The following MED27 variants were observed in gnomAD, a reference collection of about 807,000 sequenced individuals.
The protein encoded by MED27 is mediator complex subunit 27.
A neutral mutation model predicts 38.2 loss-of-function variants in MED27; 30 were observed. The ratio of observed to expected loss-of-function variants is 0.79; its 90% CI spans 0.59 to 1.07. The LOEUF (loss-of-function observed/expected upper bound fraction) is 1.07, where lower values mean the gene tolerates loss of function less well. MED27 is among the 50% of genes least tolerant of loss of function. The probability of loss-of-function intolerance (pLI) is 0.00; values close to 1 mark genes in which losing one functional copy is unlikely to be tolerated. For synonymous variants in MED27, 122 were observed against 153.5 expected (o/e 0.79, Z 1.52); for missense variants, 289 against 397.5 (o/e 0.73, Z 2.32).
chr9:131,912,849 A>T (rs1715770107), intron 4 of MED27, among the ~76,000 whole-genome samples: 1 of 152,224 alleles, frequency 6.6e-6, no homozygotes, highest in African/African-American at 2.4e-5. Context: ...TAGCGAGCAG[A>T]TGTCTAGCCC....
chr9:132,060,717 G>A (rs1833679642), intron 2 of MED27, among the ~76,000 whole-genome samples: 1 of 152,248 alleles, frequency 6.6e-6, no homozygotes, highest in Non-Finnish European at 1.5e-5. Flanking sequence ...GGGAGGCTGG[G>A]ACGGGCAGAT....
At chr9:131,892,736 C>T (rs973402612) in intron 5 of MED27, among the ~76,000 whole-genome samples, 2 of 152,206 alleles carry the variant, frequency 1.3e-5, no homozygotes, top group Admixed American at 6.5e-5. Flanking sequence ...CAGTGTGGAA[C>T]CTTCTGGAGC....
At chr9:131,977,236 G>C (rs1452926771) in intron 3 of MED27, among the ~76,000 whole-genome samples, 2 of 152,180 alleles carry the variant, frequency 1.3e-5, no homozygotes, top group African/African-American at 4.8e-5. Context: ...TCATAGAGCA[G>C]CCAGGTGGCA....
At chr9:132,067,123 TAATACA>T (rs977962578) in intron 2 of MED27, among the ~76,000 whole-genome samples, 1 of 152,242 alleles carries the variant, frequency 6.6e-6, no homozygotes, top group Non-Finnish European at 1.5e-5. Flanking sequence ...TAGAAATCGT[TAATACA>T]AATAATTACC....
chr9:131,951,914 A>G (rs1831006532), intron 3 of MED27, among the ~76,000 whole-genome samples: 1 of 152,210 alleles, frequency 6.6e-6, no homozygotes, highest in Non-Finnish European at 1.5e-5. Flanking sequence ...TCAGTTAGTA[A>G]GCACAGTTCT....
intron 3 of MED27, among the ~76,000 whole-genome samples, chr9:131,973,518 C>T (rs765714716): frequency 7.9e-5 from 11 of 139,074 alleles, no homozygotes; most frequent in Non-Finnish European, 1.5e-4. Context: ...AGTGCAGTAG[C>T]GCGATCTCGG....
intron 4 of MED27, among the ~76,000 whole-genome samples, chr9:131,934,316 A>C (rs568276056): frequency 6.6e-6 from 1 of 152,336 alleles, no homozygotes; most frequent in South Asian, 2.1e-4. Context: ...CTGCAAAGGA[A>C]ACAATCAACA....
chr9:132,067,872 T>C (rs1340829035), intron 2 of MED27, among the ~76,000 whole-genome samples: 3 of 152,122 alleles, frequency 2.0e-5, no homozygotes, highest in African/African-American at 7.2e-5. Context: ...CCACTATGCT[T>C]GGCTAATTTT....
chr9:131,967,871 T>C (rs1265368467), intron 3 of MED27, among the ~76,000 whole-genome samples: 1 of 147,924 alleles, frequency 6.8e-6, no homozygotes, highest in Admixed American at 6.9e-5. Context: ...CAGGCTGTAG[T>C]GCAGTGGCGC....
chr9:131,989,447 T>C (rs996605974), intron 3 of MED27, among the ~76,000 whole-genome samples: 1 of 152,192 alleles, frequency 6.6e-6, no homozygotes, highest in Non-Finnish European at 1.5e-5. Flanking sequence ...CAGGGTCTGA[T>C]TACCCCCTTT....
chr9:132,004,831 A>G (rs575531189), intron 3 of MED27, among the ~76,000 whole-genome samples: 1 of 152,336 alleles, frequency 6.6e-6, no homozygotes, highest in East Asian at 1.9e-4. Context: ...CAGCCAGGTG[A>G]GCAGCACACA....
At chr9:131,900,822 A>G (rs1307372872) in intron 4 of MED27, among the ~76,000 whole-genome samples, 1 of 152,030 alleles carries the variant, frequency 6.6e-6, no homozygotes, top group Non-Finnish European at 1.5e-5. Flanking sequence ...CATGAATGTT[A>G]TTTTCTGTAT....
chr9:132,034,048 A>G (rs568586211), intron 2 of MED27, among the ~76,000 whole-genome samples: 97 of 152,240 alleles, frequency 6.4e-4, no homozygotes, highest in Non-Finnish European at 1.1e-3. Flanking sequence ...AGAAGCAGCA[A>G]CACAGCACCA....
chr9:131,874,699 C>T (rs573098992), intron 6 of MED27, among the ~76,000 whole-genome samples: 27 of 152,292 alleles, frequency 1.8e-4, no homozygotes, highest in African/African-American at 6.3e-4. Context: ...TGCGAGGAGA[C>T]GCGCTGGGTC....
rs539923749 is a variant in MED27 at position 131,955,665 on chromosome 9, G to A, written c.480-16191C>T. Among the ~76,000 whole-genome samples the A allele has an allele frequency of 2.6e-5, 4 of 152,274 alleles. No homozygotes were observed. In the East Asian group the frequency reaches 5.8e-4, roughly 22 times the overall value. Reference sequence around the variant, plus strand: ...AAGTGGATGTCTTTGAAAGATGTAAGTTATATAACTGACATGAGAAGAAAT... The same window carrying A: ...AAGTGGATGTCTTTGAAAGATGTAAATTATATAACTGACATGAGAAGAAAT... On this transcript the variant is annotated intron_variant, in intron 3 of 7. Transcript: ENST00000292035.
intron 4 of MED27, among the ~76,000 whole-genome samples, chr9:131,933,494 C>T (rs1194848813): frequency 3.3e-5 from 5 of 151,998 alleles, no homozygotes; most frequent in Admixed American, 6.5e-5. Flanking sequence ...AAAAGTAATC[C>T]GATTTAATAG....
At chr9:132,053,680 C>T (rs1833513455) in intron 2 of MED27, among the ~76,000 whole-genome samples, 1 of 152,112 alleles carries the variant, frequency 6.6e-6, no homozygotes, top group African/African-American at 2.4e-5. Context: ...CGTCCAGACC[C>T]AGCTTGGTAA....
At chr9:131,950,928 T>C (rs775190026) in intron 3 of MED27, among the ~76,000 whole-genome samples, 2 of 152,194 alleles carry the variant, frequency 1.3e-5, no homozygotes, top group Non-Finnish European at 2.9e-5. Context: ...CTTCTACAAG[T>C]AGTAAAAATT....
intron 3 of MED27, among the ~76,000 whole-genome samples, chr9:131,961,769 C>G (rs1260210783): frequency 2.6e-5 from 4 of 152,204 alleles, no homozygotes. Flanking sequence ...CACAGGGGCC[C>G]TAAACACTCT....
Sources: allele counts gnomAD v4.1 joint callset (sites outside exome capture counted in the v4.1 genomes callset), GRCh38; gene constraint gnomAD v4.1.1; transcripts MANE v1.5; gene names NCBI Gene and HGNC (gene_info 2026-07-23, HGNC 2026-07-21).